The following PLXDC2 variants were observed in gnomAD, a reference collection of about 807,000 sequenced individuals.
The protein encoded by PLXDC2 is plexin domain containing 2, also known as plexin domain-containing protein 2.
PLXDC2 carries 40 observed loss-of-function variants against 68.9 expected under a neutral mutation model. That is an observed-to-expected ratio of 0.58 (90% CI 0.45 to 0.76). PLXDC2 has a LOEUF of 0.76. PLXDC2 is among the 30% of genes least tolerant of loss of function. The probability of loss-of-function intolerance (pLI) is 0.00; values close to 1 mark genes in which losing one functional copy is unlikely to be tolerated. For missense variants in PLXDC2, 644 were observed against 661.9 expected, an observed-to-expected ratio of 0.97 and a Z score of 0.30; for synonymous variants, 243 against 234.2, an observed-to-expected ratio of 1.04 and a Z score of -0.34.
intron 12 of PLXDC2, among the ~76,000 whole-genome samples, chr10:20,241,382 A>T (rs1351801360): frequency 6.6e-6 from 1 of 152,160 alleles, no homozygotes; most frequent in Non-Finnish European, 1.5e-5. Context: ...CTTCCTGGGA[A>T]AAGCTGCCTC....
chr10:20,077,354 C>T (rs1836469056), intron 4 of PLXDC2, among the ~76,000 whole-genome samples: 1 of 151,992 alleles, frequency 6.6e-6, no homozygotes, highest in African/African-American at 2.4e-5. Context: ...TTTTTTAATA[C>T]ATTACAGAAA....
At chr10:20,239,668 C>G (rs1835489210) in intron 12 of PLXDC2, among the ~76,000 whole-genome samples, 1 of 152,132 alleles carries the variant, frequency 6.6e-6, no homozygotes, top group African/African-American at 2.4e-5. Context: ...GGTGGGGACA[C>G]AGAGCCAAAC....
intron 4 of PLXDC2, among the ~76,000 whole-genome samples, chr10:20,140,079 T>A (rs1833981937): frequency 6.6e-6 from 1 of 151,972 alleles, no homozygotes; most frequent in African/African-American, 2.4e-5. Flanking sequence ...GGCAGACAGA[T>A]CACGAGGTCA....
intron 2 of PLXDC2, among the ~76,000 whole-genome samples, chr10:20,032,503 A>T (rs959158713): frequency 6.6e-6 from 1 of 152,304 alleles, no homozygotes; most frequent in East Asian, 1.9e-4. Context: ...TATGTAGAGA[A>T]TAGAGTGAGG....
chr10:20,159,287 A>G (rs1834259726), intron 6 of PLXDC2, among the ~76,000 whole-genome samples: 1 of 152,136 alleles, frequency 6.6e-6, no homozygotes, highest in South Asian at 2.1e-4. Context: ...CCTGATGAAA[A>G]CACCATTTCA....
intron 2 of PLXDC2, among the ~76,000 whole-genome samples, chr10:20,013,451 G>A (rs926372111): frequency 4.6e-5 from 7 of 152,104 alleles, no homozygotes; most frequent in African/African-American, 1.7e-4. Flanking sequence ...GTGGTTTAAT[G>A]AAAATTTTTA....
chr10:19,900,834 T>A (rs1242560502), intron 1 of PLXDC2, among the ~76,000 whole-genome samples: 2 of 151,820 alleles, frequency 1.3e-5, no homozygotes, highest in Non-Finnish European at 2.9e-5. Context: ...TAGCTCCCAC[T>A]TATGAGTGGG....
In PLXDC2 at chr10:20,266,237, A is replaced by G. The variant is rs138315023; in HGVS notation, c.1474-13466A>G. The stretch of plus-strand genomic sequence containing the variant: ...TTTCTTTGTTTAGAAAAAGTGGTTT[A>G]TAGAAAGAGGACCAGGTGGATTAAA... On this transcript the variant is annotated intron_variant, in intron 13 of 13. Transcript: ENST00000377252. Among the ~76,000 whole-genome samples, 534 of 152,284 alleles carry G rather than the reference A, an allele frequency of 3.5e-3. 5 individuals carry two copies. The highest frequency in any genetic ancestry group is 0.012 in the African/African-American group (509 of 41,566).
intron 1 of PLXDC2, among the ~76,000 whole-genome samples, chr10:19,914,392 T>G (rs1367899830): frequency 1.3e-5 from 2 of 152,218 alleles, no homozygotes; most frequent in Non-Finnish European, 2.9e-5. Context: ...GATATTCCAT[T>G]GATTTACTTG....
At chr10:20,177,586 A>G (rs552607149) in intron 9 of PLXDC2, among the ~76,000 whole-genome samples, 177 bp downstream of exon 9, 2 of 151,848 alleles carry the variant, frequency 1.3e-5, no homozygotes, top group East Asian at 3.9e-4. Flanking sequence ...GCAACATAGC[A>G]AGAACCTGTT....
chr10:20,196,895 A>T (rs192596919), intron 9 of PLXDC2, among the ~76,000 whole-genome samples: 103 of 152,302 alleles, frequency 6.8e-4, no homozygotes, highest in African/African-American at 2.0e-3. Context: ...AGTGTTGGAA[A>T]TCACTAATCG....
chr10:20,214,732 T>C (rs907491212), intron 10 of PLXDC2, among the ~76,000 whole-genome samples: 2 of 152,156 alleles, frequency 1.3e-5, no homozygotes, highest in Non-Finnish European at 2.9e-5. Flanking sequence ...AGTTCCTTAG[T>C]CTGCCGTTAC....
At chr10:20,061,600 T>C (rs796384925) in intron 3 of PLXDC2, among the ~76,000 whole-genome samples, 1 of 152,226 alleles carries the variant, frequency 6.6e-6, no homozygotes, top group African/African-American at 2.4e-5. Context: ...TGTTGAAAGA[T>C]GCTTTGAGAC....
At chr10:20,140,583 A>C (rs1833992241) in intron 4 of PLXDC2, among the ~76,000 whole-genome samples, 1 of 151,974 alleles carries the variant, frequency 6.6e-6, no homozygotes, top group African/African-American at 2.4e-5. Context: ...TTTAACACCT[A>C]ATTACATTGC....
chr10:20,124,336 T>G (rs982208200), intron 4 of PLXDC2, among the ~76,000 whole-genome samples: 1 of 151,928 alleles, frequency 6.6e-6, no homozygotes, highest in Non-Finnish European at 1.5e-5. Flanking sequence ...GAGAAAGTGG[T>G]TGAGGGACAG....
chr10:20,213,536 C>A (rs141516696), intron 10 of PLXDC2, among the ~76,000 whole-genome samples: 1 of 152,068 alleles, frequency 6.6e-6, no homozygotes, highest in African/African-American at 2.4e-5. Context: ...ATATTAAACT[C>A]ACCTTGTCGA....
At chr10:20,208,168 T>A (rs1273071561) in intron 9 of PLXDC2, among the ~76,000 whole-genome samples, 4 of 43,406 alleles carry the variant, frequency 9.2e-5, no homozygotes, top group Non-Finnish European at 2.1e-4. Flanking sequence ...TATAGATATA[T>A]TGTATTAGTC....
chr10:19,849,761 T>C (rs1837080325), intron 1 of PLXDC2, among the ~76,000 whole-genome samples: 2 of 152,160 alleles, frequency 1.3e-5, no homozygotes, highest in Non-Finnish European at 2.9e-5. Flanking sequence ...GAGAACAGAC[T>C]AATACAGTAC....
At chr10:19,909,189 T>G (rs1833221702) in intron 1 of PLXDC2, among the ~76,000 whole-genome samples, 3 of 152,152 alleles carry the variant, frequency 2.0e-5, no homozygotes, top group Admixed American at 6.5e-5. Flanking sequence ...TCATAAAAGC[T>G]GAGAATCCCT....
Sources: gnomAD v4.1 joint callset for allele counts (sites outside exome capture counted in the v4.1 genomes callset) on GRCh38, gnomAD v4.1.1 for gene constraint, MANE v1.5 for transcripts, NCBI Gene and HGNC (gene_info 2026-07-23, HGNC 2026-07-21) for gene names.